TRPM1: variants seen among roughly 807,000 people sequenced by gnomAD.
The protein encoded by TRPM1 is transient receptor potential cation channel subfamily M member 1, also known as TRPM1-203 APA Isoform, Intron 10.
In TRPM1, 113 loss-of-function variants were observed where a neutral mutation model predicts 149.4. The ratio of observed to expected loss-of-function variants is 0.76; its 90% CI spans 0.65 to 0.88. TRPM1 has a LOEUF of 0.88. Among genes scored for constraint, TRPM1 ranks in the 40% least tolerant of loss-of-function variants. The probability of loss-of-function intolerance (pLI) is 0.00; values close to 1 mark genes in which losing one functional copy is unlikely to be tolerated. For missense variants in TRPM1, 1,976 were observed against 2,038.7 expected (o/e 0.97, Z 0.59); for synonymous variants, 741 against 759.5 (o/e 0.98, Z 0.40).
chr15:31,067,866 G>A lies in TRPM1; in HGVS notation c.493+13C>T, dbSNP rs372144508. 119 of 1,611,726 alleles carry A rather than the reference G, an allele frequency of 7.4e-5. No homozygotes were observed. The highest frequency in any genetic ancestry group is 1.0e-4 in the Non-Finnish European group (118 of 1,179,660). ...GTACATTGATTATCGGGAGGGAAAG[G>A]GCCTGCTCTTACCTGTGCTGACACC... On this transcript the variant is annotated intron_variant, in intron 5 of 27. Coordinates refer to ENST00000256552, the MANE Select transcript of TRPM1 (RefSeq NM_001252024.2).
At chr15:31,049,563 AG>A (rs1461295516) in intron 12 of TRPM1, 54 bp from the exon 13 acceptor site, 13 of 1,607,126 alleles carry the variant, frequency 8.1e-6, no homozygotes, top group East Asian at 2.2e-5. Flanking sequence ...GACACAGGGG[AG>A]GGGGGCGACT....
chr15:31,065,726 T>C (rs913460504), intron 7 of TRPM1, among the ~76,000 whole-genome samples: 2 of 152,238 alleles, frequency 1.3e-5, no homozygotes, highest in Non-Finnish European at 2.9e-5. Context: ...GAAAGAATCC[T>C]ACTAAATCTT....
chr15:31,077,823 T>A (rs966608668), intron 2 of TRPM1, among the ~76,000 whole-genome samples: 1 of 151,852 alleles, frequency 6.6e-6, no homozygotes, highest in Non-Finnish European at 1.5e-5. Context: ...TGTGTGTGTG[T>A]GATGAGTCTG....
rs2032889982 is a variant in TRPM1 at position 31,028,397 on chromosome 15, TG to T, written c.3227del (p.Ala1076AspfsTer15). ...CGACCAGTAGATAGCACGCCATGAG[TG>T]CTGGAGTGAGCCAGGCGCCGGGGAT... ...PCIPGAWLTP[A>X]LMACYLLVAN... On this transcript the variant is annotated frameshift_variant, in exon 25 of 28. Transcript: ENST00000256552. LOFTEE classifies it high-confidence loss of function. 6.2e-7 allele frequency: 1 copy of T among 1,613,912 alleles called. No homozygotes were observed. The highest frequency in any genetic ancestry group is 1.7e-5 in the Admixed American group (1 of 59,992).
Position 31,070,218 on chromosome 15 carries a change from C to T in TRPM1, c.92G>A (p.Cys31Tyr), listed in dbSNP as rs1567033053. The change falls in exon 4 of 28, where the codon TGT (cysteine) becomes TAT (tyrosine). Residue 31 changes from cysteine (C) to tyrosine (Y), a missense_variant. Around this residue, in one of 3 missense-constraint regions of TRPM1, gnomAD observed 1,332 missense variants for 1,347.1 expected, o/e 0.99. Transcript: ENST00000256552. ...PSMKDSNRCC[C>Y]GQFTNQHIPP... ...GATATGCTGGTTGGTGAACTGGCCACAGCAACACCTGAAAACAAAGGCAAA... is the reference window on the plus strand; with the variant it reads ...GATATGCTGGTTGGTGAACTGGCCATAGCAACACCTGAAAACAAAGGCAAA... The T allele has an allele frequency of 6.2e-7, 1 of 1,613,564 alleles. No individual in the cohort carries two copies. Among genetic ancestry groups the T allele is most frequent in the South Asian group, 1.1e-5 (1 of 91,050 alleles).
intron 27 of TRPM1, among the ~76,000 whole-genome samples, chr15:31,019,401 C>CT (rs922235693): frequency 6.6e-6 from 1 of 152,000 alleles, no homozygotes; most frequent in Non-Finnish European, 1.5e-5. Flanking sequence ...TCACGTCTTT[C>CT]TTTTTTTTGT....
At chr15:31,154,104 A>G (rs1372803262) in intron 1 of TRPM1, among the ~76,000 whole-genome samples, 2 of 152,248 alleles carry the variant, frequency 1.3e-5, no homozygotes, top group Admixed American at 6.5e-5. Flanking sequence ...GAAAGAATCA[A>G]TGTCTGTCTA....
intron 1 of TRPM1, among the ~76,000 whole-genome samples, chr15:31,097,546 A>G (rs910879613): frequency 6.6e-6 from 1 of 152,184 alleles, no homozygotes; most frequent in Non-Finnish European, 1.5e-5. Context: ...AAGCTAAGTG[A>G]AAAATTGGAA....
chr15:31,004,456 A>T (rs1230543099), intron 27 of TRPM1, among the ~76,000 whole-genome samples: 6 of 143,754 alleles, frequency 4.2e-5, no homozygotes, highest in Admixed American at 2.7e-4. Context: ...TGCTAATGCC[A>T]CTCTTCTGTT....
rs1017052461 is a variant in TRPM1, at chr15:31,144,746, G to A, written c.54+16160C>T. ...TTTTTTTTTTTTGAGACATAGTTTC[G>A]CTCTTGTTGCCCAGGCTGGAGTGCA... On this transcript the variant is annotated intron_variant, in intron 1 of 26. Coordinates refer to the TRPM1 transcript ENST00000542188. 1.9e-4 allele frequency among the ~76,000 whole-genome samples: 24 copies of A among 125,596 alleles called. 1 individual carries two copies. The highest frequency in any genetic ancestry group is 7.2e-4 in the Admixed American group (8 of 11,090). The allele number at this position is 125,596 out of a possible 152,430, so 82.4% of individuals were successfully genotyped here.
rs368088707 is a variant in TRPM1, at chr15:31,047,266, T to G, written c.1624-15A>C. 1 of 1,614,196 alleles carries G rather than the reference T, an allele frequency of 6.2e-7. No individual in the cohort carries two copies. Among genetic ancestry groups the G allele is most frequent in the Non-Finnish European group, 8.5e-7 (1 of 1,180,034 alleles). ...GGAAGGTTGCTCTGTAAAAGAAGTCTGGTCTCAGGCCCTGTGAGAATGCGT... is the reference window on the plus strand; with the variant it reads ...GGAAGGTTGCTCTGTAAAAGAAGTCGGGTCTCAGGCCCTGTGAGAATGCGT... On this transcript the variant is annotated splice_polypyrimidine_tract_variant and intron_variant, in intron 14 of 27. Transcript: ENST00000256552.
intron 27 of TRPM1, among the ~76,000 whole-genome samples, chr15:31,020,962 CT>C (rs1420937274): frequency 6.6e-6 from 1 of 152,098 alleles, no homozygotes; most frequent in Non-Finnish European, 1.5e-5. Flanking sequence ...TCCAGTACAA[CT>C]TTTATTACTA....
In TRPM1 at chr15:31,132,163, T is replaced by C. The variant is rs531404787; in HGVS notation, c.54+28743A>G. ...ACTGTCTTGGGTTTGCATGGGCCTATTGGCAGCCGGGTTGACCCCAAGGTT... is the reference window on the plus strand; with the variant it reads ...ACTGTCTTGGGTTTGCATGGGCCTACTGGCAGCCGGGTTGACCCCAAGGTT... On this transcript the variant is annotated intron_variant, in intron 1 of 26. Coordinates refer to the TRPM1 transcript ENST00000542188. 1.6e-4 allele frequency among the ~76,000 whole-genome samples: 24 copies of C among 152,352 alleles called. No homozygotes were observed. The South Asian group carries it at 4.8e-3, about 30-fold the overall frequency.
chr15:31,017,284 G>T (rs2032401292), intron 27 of TRPM1, among the ~76,000 whole-genome samples: 1 of 152,208 alleles, frequency 6.6e-6, no homozygotes, highest in African/African-American at 2.4e-5. Flanking sequence ...ACTCCAGCCT[G>T]AGCGACAGAG....
chr15:31,140,594 T>A (rs913694316), intron 1 of TRPM1, among the ~76,000 whole-genome samples: 1 of 152,166 alleles, frequency 6.6e-6, no homozygotes, highest in African/African-American at 2.4e-5. Flanking sequence ...TCCATCCTTC[T>A]TGCTTCTTCT....
At position 31,001,159 on chromosome 15, in the gene TRPM1, T is replaced by C. The variant is rs1231877622; in HGVS notation, c.*663A>G. ...GTTTGATATAATTGTGTACTTTTTT[T>C]CCCATTGTGTAGTTTAAAATAAAAC... On this transcript the variant is annotated 3_prime_UTR_variant, in exon 28 of 28. Coordinates refer to ENST00000256552, the MANE Select transcript of TRPM1 (RefSeq NM_001252024.2). The C allele has an allele frequency of 6.6e-6, 1 of 152,148 alleles. No homozygotes were observed. The highest frequency in any genetic ancestry group is 6.5e-5 in the Admixed American group (1 of 15,276). The allele number at this position is 152,148 out of a possible 1,614,324, so 9.4% of individuals were successfully genotyped here.
chr15:31,040,275 A>C lies in TRPM1; in HGVS notation c.2159T>G (p.Leu720Arg). The change falls in exon 18 of 28, where the codon CTC becomes CGC. Residue 720 changes from leucine to arginine, a missense_variant. Physicochemically the swap from Leu to Arg is moderately radical, Grantham distance 102. Transcript: ENST00000256552. This position sits in a 1 kb window ranked among gnomAD's most constrained non-coding sequence, Gnocchi z 4.2. ...YKHDEQIAMK[L>R]LTYELKNWSN... The stretch of plus-strand genomic sequence containing the variant: ...CCAGTTTTTCAGCTCGTAGGTCAGG[A>C]GTTTCATAGCGATCTGCTCGTCATG... 6.2e-7 allele frequency: 1 copy of C among 1,614,110 alleles called. No individual in the cohort carries two copies. Among genetic ancestry groups the C allele is most frequent in the Non-Finnish European group, 8.5e-7 (1 of 1,179,968 alleles).
chr15:31,075,644 C>G (rs565849683), intron 3 of TRPM1, among the ~76,000 whole-genome samples: 7 of 152,242 alleles, frequency 4.6e-5, no homozygotes, highest in Admixed American at 3.3e-4. Flanking sequence ...AGGAAGAAAG[C>G]CCCCTGACTG....
At chr15:31,067,014 CAA>C in intron 6 of TRPM1, 47 bp downstream of exon 6, 1 of 1,612,070 alleles carries the variant, frequency 6.2e-7, no homozygotes, top group African/African-American at 1.3e-5. Flanking sequence ...ACCTCAAAAT[CAA>C]TCATTAATTT....
Sources: allele counts gnomAD v4.1 joint callset (sites outside exome capture counted in the v4.1 genomes callset), GRCh38; gene constraint gnomAD v4.1.1; regional missense constraint gnomAD v4.1.1; non-coding constraint Gnocchi (gnomAD v3.1); transcripts MANE v1.5; gene names NCBI Gene and HGNC (gene_info 2026-07-23, HGNC 2026-07-21).